RAPGEF5: variants seen among roughly 807,000 people sequenced by gnomAD.
RAPGEF5 encodes Rap guanine nucleotide exchange factor 5, also known as M-Ras-regulated GEF.
RAPGEF5 carries 65 observed loss-of-function variants against 125.2 expected under a neutral mutation model. The observed-to-expected ratio is 0.52, with a 90% confidence interval of 0.43 to 0.64. RAPGEF5 has a LOEUF of 0.64. RAPGEF5 is among the 30% of genes least tolerant of loss of function. The pLI is 0.00. For missense variants in RAPGEF5, 958 were observed against 1,048.1 expected (o/e 0.91, Z 1.19); for synonymous variants, 391 against 385.9 (o/e 1.01, Z -0.16).
At chr7:22,144,277 G>A (rs1783357350) in intron 20 of RAPGEF5, among the ~76,000 whole-genome samples, 1 of 152,196 alleles carries the variant, frequency 6.6e-6, no homozygotes, top group Non-Finnish European at 1.5e-5. Flanking sequence ...ACACAGCCTA[G>A]TGAAGAAATC....
chr7:22,157,573 T>C (rs1413177134), intron 15 of RAPGEF5, among the ~76,000 whole-genome samples: 1 of 152,232 alleles, frequency 6.6e-6, no homozygotes, highest in South Asian at 2.1e-4. Context: ...TTCAAATTTA[T>C]ATCACTCCAG....
At position 22,246,920 on chromosome 7, in the gene RAPGEF5, C is replaced by T. The variant is rs370727603; in HGVS notation, c.797-16001G>A. On this transcript the variant is annotated intron_variant, in intron 7 of 25. Transcript: ENST00000665637. ...ACCCCATTAAAAAATGAGCAAAATA[C>T]GTGAACAGACACTTTTCAAAAGAAG... 3.3e-5 allele frequency among the ~76,000 whole-genome samples: 5 copies of T among 152,054 alleles called. No individual in the cohort carries two copies. In the South Asian group the frequency reaches 6.2e-4, roughly 19 times the overall value.
chr7:22,284,088 T>TGTGG (rs4000939), intron 6 of RAPGEF5, among the ~76,000 whole-genome samples: 1 of 151,334 alleles, frequency 6.6e-6, no homozygotes, highest in Non-Finnish European at 1.5e-5. Context: ...TGTGTGTGTG[T>TGTGG]GCGCGTGCAT....
chr7:22,274,805 T>C (rs1463431139), intron 6 of RAPGEF5, among the ~76,000 whole-genome samples: 1 of 152,206 alleles, frequency 6.6e-6, no homozygotes, highest in Non-Finnish European at 1.5e-5. Context: ...CACATCATTC[T>C]CTACTCTGCA....
intron 7 of RAPGEF5, among the ~76,000 whole-genome samples, chr7:22,263,100 T>C (rs1782195349): frequency 6.6e-6 from 1 of 152,234 alleles, no homozygotes; most frequent in African/African-American, 2.4e-5. Flanking sequence ...ATTTATATAA[T>C]ATTTTTGAAA....
At chr7:22,128,804 G>A (rs1246526927) in intron 24 of RAPGEF5, among the ~76,000 whole-genome samples, 1 of 152,164 alleles carries the variant, frequency 6.6e-6, no homozygotes, top group Non-Finnish European at 1.5e-5. Context: ...GCTTGCGTGT[G>A]CGCTATGTGA....
chr7:22,122,651 A>C, intron 25 of RAPGEF5, 130 bp from the exon 26 acceptor site: 1 of 654,438 alleles, frequency 1.5e-6, no homozygotes, highest in Non-Finnish European at 2.7e-6. Context: ...ATCCCATAAG[A>C]GGTGTCCTTG....
At chr7:22,189,366 A>C (rs1170541656) in intron 11 of RAPGEF5, among the ~76,000 whole-genome samples, 4 of 152,192 alleles carry the variant, frequency 2.6e-5, no homozygotes, top group Non-Finnish European at 4.4e-5. Context: ...TTCACTACAG[A>C]AGTATCTGTA....
intron 9 of RAPGEF5, among the ~76,000 whole-genome samples, chr7:22,214,543 T>C (rs1212534386): frequency 6.6e-6 from 1 of 152,214 alleles, no homozygotes; most frequent in African/African-American, 2.4e-5. Context: ...AGTGCAGCTA[T>C]ATTCCTGGAA....
At chr7:22,145,260 G>A (rs1334515620) in intron 19 of RAPGEF5, 38 bp from the exon 20 acceptor site, 3 of 1,560,156 alleles carry the variant, frequency 1.9e-6, no homozygotes, top group Non-Finnish European at 2.6e-6. Flanking sequence ...TTTATTTATA[G>A]CAAAGTATGG....
chr7:22,253,852 CA>C (rs1786682940), intron 7 of RAPGEF5, among the ~76,000 whole-genome samples: 1 of 151,998 alleles, frequency 6.6e-6, no homozygotes, highest in Non-Finnish European at 1.5e-5. Flanking sequence ...ATGTATTTAC[CA>C]AAGGATCAAG....
chr7:22,226,079 T>C (rs1164938391), intron 8 of RAPGEF5, among the ~76,000 whole-genome samples: 1 of 152,190 alleles, frequency 6.6e-6, no homozygotes, highest in Admixed American at 6.5e-5. Flanking sequence ...TAAAACATTC[T>C]CTGCATTATC....
intron 25 of RAPGEF5, among the ~76,000 whole-genome samples, chr7:22,123,139 G>A (rs1782633511): frequency 6.6e-6 from 1 of 152,180 alleles, no homozygotes; most frequent in African/African-American, 2.4e-5. Flanking sequence ...GAAAGTATGT[G>A]TATGGACTAA....
intron 6 of RAPGEF5, among the ~76,000 whole-genome samples, chr7:22,267,370 A>G (rs950884220): frequency 2.6e-5 from 4 of 152,212 alleles, no homozygotes; most frequent in African/African-American, 9.6e-5. Flanking sequence ...TACCATAATA[A>G]AGATTAAATA....
At chr7:22,356,777 G>C in intron 1 of RAPGEF5, 53 bp downstream of exon 1, 1 of 1,021,564 alleles carries the variant, frequency 9.8e-7, no homozygotes, top group Non-Finnish European at 1.2e-6. Context: ...GGGTGGGCGC[G>C]GGCTCCACGT....
In RAPGEF5 at chr7:22,121,288, A is replaced by T. The variant is rs942553138; in HGVS notation, c.*1118T>A. On this transcript the variant is annotated 3_prime_UTR_variant, in exon 26 of 26. Transcript: ENST00000665637. ...CCCTGCTTTGGCTGGTAGTTGGATT[A>T]TAGGACTTCTAAGTTGCCAACATTA... 1 of 151,662 alleles carries T rather than the reference A, an allele frequency of 6.6e-6. No individual in the cohort carries two copies. The highest frequency in any genetic ancestry group is 1.9e-4 in the East Asian group (1 of 5,178). The allele number at this position is 151,662 out of a possible 1,614,324, so 9.4% of individuals were successfully genotyped here.
At chr7:22,153,052 C>T (rs961913500) in intron 17 of RAPGEF5, among the ~76,000 whole-genome samples, 5 of 152,140 alleles carry the variant, frequency 3.3e-5, no homozygotes, top group Admixed American at 2.6e-4. Flanking sequence ...GAAAGAGCCG[C>T]TCATTAATTG....
chr7:22,161,537 A>AACACACACACAC lies in RAPGEF5; in HGVS notation c.1428+848_1428+859dup, dbSNP rs369030719. Among the ~76,000 whole-genome samples the AACACACACACAC allele has an allele frequency of 7.7e-3, 1,042 of 136,080 alleles. 3 individuals are homozygous for AACACACACACAC. Among genetic ancestry groups the AACACACACACAC allele is most frequent in the Middle Eastern group, 0.011 (3 of 268 alleles). The allele number at this position is 136,080 out of a possible 152,430, so 89.3% of individuals were successfully genotyped here. On this transcript the variant is annotated intron_variant, in intron 13 of 25. Transcript: ENST00000665637. Reference sequence around the variant, plus strand: ...GGGTAGCAGAGCAAGACCCTGTCTCAACACACACACACACACACACACACA... The same window carrying AACACACACACAC: ...GGGTAGCAGAGCAAGACCCTGTCTCAACACACACACACACACACACACACACACACACACACA...
intron 10 of RAPGEF5, 96 bp downstream of exon 10, chr7:22,193,819 A>G (rs754386919): frequency 1.2e-6 from 2 of 1,611,564 alleles, no homozygotes; most frequent in South Asian, 2.2e-5. Context: ...AGGGTAGAGG[A>G]GGCAGAGAGC....
Sources: allele counts gnomAD v4.1 joint callset (sites outside exome capture counted in the v4.1 genomes callset), GRCh38; gene constraint gnomAD v4.1.1; transcripts MANE v1.5; gene names NCBI Gene and HGNC (gene_info 2026-07-23, HGNC 2026-07-21).